Variants in ARHGAP24 observed in about 807,000 individuals in gnomAD.
The protein encoded by ARHGAP24 is rho GTPase-activating protein 24.
In ARHGAP24, 50 loss-of-function variants were observed where a neutral mutation model predicts 76.4. That is an observed-to-expected ratio of 0.65 (90% CI 0.52 to 0.83). The LOEUF is 0.83. Among genes scored for constraint, ARHGAP24 ranks in the 40% least tolerant of loss-of-function variants. ARHGAP24 has a pLI of 0.00. For missense variants in ARHGAP24, 930 were observed against 914.2 expected (o/e 1.02, Z -0.22); for synonymous variants, 345 against 323.3 (o/e 1.07, Z -0.72).
At chr4:85,745,301 A>G (rs1246563711) in intron 3 of ARHGAP24, among the ~76,000 whole-genome samples, 1 of 147,600 alleles carries the variant, frequency 6.8e-6, no homozygotes, top group African/African-American at 2.5e-5. Flanking sequence ...TAGTATATAT[A>G]TAATATATAG....
intron 3 of ARHGAP24, among the ~76,000 whole-genome samples, chr4:85,744,468 A>G (rs1038847079): frequency 6.6e-6 from 1 of 152,232 alleles, no homozygotes; most frequent in African/African-American, 2.4e-5. Flanking sequence ...TTCTTAAATG[A>G]GAGCAAAAAA....
rs146457540 is a variant in ARHGAP24, at chr4:85,952,826, C to T, written c.599+10553C>T. 3.1e-3 allele frequency among the ~76,000 whole-genome samples: 471 copies of T among 152,220 alleles called. 3 individuals carry two copies. The highest frequency in any genetic ancestry group is 0.014 in the Middle Eastern group (4 of 292). Reference sequence around the variant, plus strand: ...AGTTCCTGTCAACTGTAAAAACAAACAAACAAAAGAAAACAGATATCATAG... The same window carrying T: ...AGTTCCTGTCAACTGTAAAAACAAATAAACAAAAGAAAACAGATATCATAG... On this transcript the variant is annotated intron_variant, in intron 5 of 9. Coordinates refer to ENST00000395184, the MANE Select transcript of ARHGAP24 (RefSeq NM_001025616.3).
intron 1 of ARHGAP24, among the ~76,000 whole-genome samples, chr4:85,530,652 G>C (rs1725220728): frequency 1.3e-5 from 2 of 151,988 alleles, no homozygotes; most frequent in South Asian, 4.1e-4. Context: ...CAGTGCCCAA[G>C]TGGATTATAA....
chr4:85,754,882 G>C (rs1205326518), intron 3 of ARHGAP24, among the ~76,000 whole-genome samples: 1 of 152,194 alleles, frequency 6.6e-6, no homozygotes, highest in African/African-American at 2.4e-5. Flanking sequence ...CTGTTTACAA[G>C]TTTATAAAAT....
At chr4:85,691,264 A>G (rs1308175236) in intron 2 of ARHGAP24, among the ~76,000 whole-genome samples, 1 of 152,116 alleles carries the variant, frequency 6.6e-6, no homozygotes, top group Non-Finnish European at 1.5e-5. Flanking sequence ...CTTTATGACC[A>G]AACATTTGAT....
intron 2 of ARHGAP24, among the ~76,000 whole-genome samples, chr4:85,666,783 A>G (rs1485040225): frequency 6.6e-6 from 1 of 152,168 alleles, no homozygotes; most frequent in Non-Finnish European, 1.5e-5. Context: ...TTGCCTGGGT[A>G]TCAGTAGCGG....
rs145718454 is a variant in ARHGAP24 at position 85,974,760 on chromosome 4, C to T, written c.733-128C>T. 7.3e-4 allele frequency: 561 copies of T among 771,270 alleles called. 7 individuals carry two copies. The African/African-American group carries it at 8.5e-3, about 12-fold the overall frequency. 47.8% of individuals were successfully genotyped at this position (771,270 alleles called of 1,614,324 possible). ...ATTCACTGTGATGGTGGTAAGTTTT[C>T]GGGACAAGATCTTTCACTGATAACA... On this transcript the variant is annotated intron_variant, in intron 6 of 9. Transcript: ENST00000395184.
chr4:85,977,861 AT>A (rs1198779029), intron 8 of ARHGAP24, among the ~76,000 whole-genome samples, 170 bp downstream of exon 8: 1 of 152,188 alleles, frequency 6.6e-6, no homozygotes, highest in East Asian at 1.9e-4. Flanking sequence ...AAAGTCAGAT[AT>A]TTTTTGTTTG....
chr4:85,662,056 G>C (rs1722409897), intron 2 of ARHGAP24, among the ~76,000 whole-genome samples: 1 of 152,098 alleles, frequency 6.6e-6, no homozygotes, highest in African/African-American at 2.4e-5. Flanking sequence ...TTGGTCAAGT[G>C]GTATTTCTAC....
chr4:85,766,907 T>C (rs573464129), intron 3 of ARHGAP24, among the ~76,000 whole-genome samples: 1 of 152,318 alleles, frequency 6.6e-6, no homozygotes, highest in East Asian at 1.9e-4. Context: ...ACAAACTGCA[T>C]ATATGATACT....
chr4:85,655,810 GAGAGAGAA>G (rs1170054396), intron 2 of ARHGAP24, among the ~76,000 whole-genome samples: 2,421 of 77,834 alleles, frequency 0.031, 50 homozygotes, highest in East Asian at 0.099. Context: ...GAGAGAGAGA[GAGAGAGAA>G]AGAGAGAGAG....
At chr4:85,499,755 C>T (rs1199395292) in intron 1 of ARHGAP24, among the ~76,000 whole-genome samples, 2 of 152,202 alleles carry the variant, frequency 1.3e-5, no homozygotes, top group African/African-American at 4.8e-5. Flanking sequence ...AGAGACTCAT[C>T]TAGGTCTGTG....
chr4:85,561,250 T>C (rs558802976), intron 1 of ARHGAP24, among the ~76,000 whole-genome samples: 2 of 152,290 alleles, frequency 1.3e-5, no homozygotes, highest in Non-Finnish European at 2.9e-5. Flanking sequence ...TTAACCATGA[T>C]GTCCAGGCAG....
At chr4:85,507,791 C>A (rs892458922) in intron 1 of ARHGAP24, among the ~76,000 whole-genome samples, 6 of 152,062 alleles carry the variant, frequency 3.9e-5, no homozygotes, top group Admixed American at 1.3e-4. Context: ...TTTCATAAAT[C>A]TTTGTAATTA....
chr4:85,756,474 G>A (rs1288639849), intron 3 of ARHGAP24, among the ~76,000 whole-genome samples: 3 of 152,054 alleles, frequency 2.0e-5, no homozygotes, highest in Non-Finnish European at 2.9e-5. Context: ...ATTACAAAAG[G>A]ACTTTCAGAA....
chr4:85,726,623 T>A (rs965860658), intron 3 of ARHGAP24, among the ~76,000 whole-genome samples: 9 of 152,142 alleles, frequency 5.9e-5, no homozygotes, highest in African/African-American at 2.2e-4. Flanking sequence ...ACAATTCCCA[T>A]GAGAATCTCT....
chr4:85,569,279 GT>G (rs1560536361), intron 1 of ARHGAP24, among the ~76,000 whole-genome samples: 1 of 152,136 alleles, frequency 6.6e-6, no homozygotes, highest in East Asian at 1.9e-4. Context: ...AATAATCTAC[GT>G]TTTATCAGAT....
chr4:85,863,142 T>C (rs11947357), intron 3 of ARHGAP24, among the ~76,000 whole-genome samples: 12,555 of 152,138 alleles, frequency 0.083, 763 homozygotes, highest in African/African-American at 0.15. Flanking sequence ...ATTGGCCTTC[T>C]GGTGATTCCT....
chr4:85,477,677 C>A (rs1228978713), intron 1 of ARHGAP24, among the ~76,000 whole-genome samples: 1 of 152,190 alleles, frequency 6.6e-6, no homozygotes, highest in Non-Finnish European at 1.5e-5. Flanking sequence ...AGTATGATTA[C>A]TTTGCTGTCT....
Sources: allele counts gnomAD v4.1 joint callset (sites outside exome capture counted in the v4.1 genomes callset), GRCh38; gene constraint gnomAD v4.1.1; transcripts MANE v1.5; gene names NCBI Gene and HGNC (gene_info 2026-07-23, HGNC 2026-07-21).